The following RFX8 variants were observed in gnomAD, a reference collection of about 807,000 sequenced individuals.
The protein encoded by RFX8 is DNA-binding protein RFX8.
RFX8 carries 46 observed loss-of-function variants against 54.6 expected under a neutral mutation model. That is an observed-to-expected ratio of 0.84 (90% CI 0.67 to 1.08). The LOEUF is 1.08. RFX8 is among the 50% of genes least tolerant of loss of function. RFX8 has a pLI of 0.00. For synonymous variants in RFX8, 192 were observed against 209.5 expected (o/e 0.92, Z 0.72); for missense variants, 536 against 562.3 (o/e 0.95, Z 0.47).
At chr2:101,427,107 C>T (rs1411829397) in intron 2 of RFX8, among the ~76,000 whole-genome samples, 1 of 152,146 alleles carries the variant, frequency 6.6e-6, no homozygotes, top group Non-Finnish European at 1.5e-5. Flanking sequence ...AAATGAACAC[C>T]CTCCTAAGAG....
rs778484548 is a variant in RFX8 at position 101,466,894 on chromosome 2, G to A, written c.-46C>T. 146 of 1,398,356 alleles carry A rather than the reference G, an allele frequency of 1.0e-4. 2 individuals are homozygous for A. Among genetic ancestry groups the A allele is most frequent in the South Asian group, 9.1e-4 (74 of 81,018 alleles). The allele number at this position is 1,398,356 out of a possible 1,614,324, so 86.6% of individuals were successfully genotyped here. ...ACTCTTCGCAAATGCAGAAGTTGTC[G>A]ACCAACCTGGAGGAGAGGAGGACAA... On this transcript the variant is annotated 5_prime_UTR_variant, in exon 2 of 12. It introduces an in-frame stop codon into an upstream open reading frame of the 5' UTR. Coordinates refer to ENST00000428343, the MANE Select transcript of RFX8 (RefSeq NM_001145664.2).
intron 2 of RFX8, among the ~76,000 whole-genome samples, chr2:101,434,466 A>G (rs1687660151): frequency 6.6e-6 from 1 of 152,194 alleles, no homozygotes. Flanking sequence ...TGGGAAGTAT[A>G]AGACATCCAC....
At position 101,447,150 on chromosome 2, in the gene RFX8, C is replaced by T. The variant is rs371059856; in HGVS notation, c.72+19627G>A. On this transcript the variant is annotated intron_variant, in intron 2 of 11. Coordinates refer to ENST00000428343, the MANE Select transcript of RFX8 (RefSeq NM_001145664.2). ...CACTGACTCAACCAACTGCCAGATCCTGAAGACCCTGCCTCTAAGAGGTCT... is the reference window on the plus strand; with the variant it reads ...CACTGACTCAACCAACTGCCAGATCTTGAAGACCCTGCCTCTAAGAGGTCT... 9.2e-5 allele frequency among the ~76,000 whole-genome samples: 14 copies of T among 152,302 alleles called. No individual in the cohort carries two copies. The South Asian group carries it at 2.9e-3, about 32-fold the overall frequency.
intron 11 of RFX8, among the ~76,000 whole-genome samples, chr2:101,399,596 C>T (rs1374932265): frequency 2.0e-5 from 3 of 152,150 alleles, no homozygotes; most frequent in East Asian, 3.8e-4. Context: ...AAGTGCTCAG[C>T]TTAGGAGGCC....
At chr2:101,469,138 G>GTATA (rs1330915540) in intron 1 of RFX8, among the ~76,000 whole-genome samples, 11 of 113,544 alleles carry the variant, frequency 9.7e-5, no homozygotes, top group African/African-American at 3.6e-4. Context: ...ATATATATAA[G>GTATA]TATATATATA....
At chr2:101,444,929 A>G (rs960226528) in intron 2 of RFX8, among the ~76,000 whole-genome samples, 1 of 152,218 alleles carries the variant, frequency 6.6e-6, no homozygotes, top group Non-Finnish European at 1.5e-5. Flanking sequence ...ATGGATGAGG[A>G]AACTGAGACA....
intron 10 of RFX8, 53 bp downstream of exon 10, chr2:101,405,890 A>C (rs1458953179): frequency 3.5e-6 from 4 of 1,135,938 alleles, no homozygotes; most frequent in Non-Finnish European, 5.0e-6. Flanking sequence ...CTTATGCCAT[A>C]ATGACATTTT....
At chr2:101,447,468 A>G (rs1374685022) in intron 2 of RFX8, among the ~76,000 whole-genome samples, 3 of 152,160 alleles carry the variant, frequency 2.0e-5, no homozygotes, top group Non-Finnish European at 2.9e-5. Context: ...GTGTCTGGTA[A>G]AAGTTTGCTC....
At chr2:101,465,465 G>A (rs1247049819) in intron 2 of RFX8, among the ~76,000 whole-genome samples, 4 of 152,228 alleles carry the variant, frequency 2.6e-5, no homozygotes, top group East Asian at 1.9e-4. Flanking sequence ...AGCCAAGATC[G>A]TGCCACTGCA....
rs1342064272 is a variant in RFX8 at position 101,414,746 on chromosome 2, G to A, written c.561+108C>T. The stretch of plus-strand genomic sequence containing the variant: ...GGCAAGGCCACCCTGCCTGCCCTCT[G>A]CCCTCCAGATGGACAGAGCAACCAC... On this transcript the variant is annotated intron_variant, in intron 7 of 11. Coordinates refer to ENST00000428343, the MANE Select transcript of RFX8 (RefSeq NM_001145664.2). 4.8e-6 allele frequency: 4 copies of A among 827,064 alleles called. No individual in the cohort carries two copies. The East Asian group carries it at 1.1e-4, about 23-fold the overall frequency. The allele number at this position is 827,064 out of a possible 1,614,324, so 51.2% of individuals were successfully genotyped here. A position where few individuals can be genotyped will look rare whatever the true frequency, so the allele number is the denominator to read the frequency against.
chr2:101,425,094 G>C (rs1000794804), intron 2 of RFX8, among the ~76,000 whole-genome samples: 3 of 151,986 alleles, frequency 2.0e-5, no homozygotes, highest in Non-Finnish European at 4.4e-5. Context: ...TGCTCACGTT[G>C]ATCATACTAA....
At chr2:101,446,477 T>C (rs988121327) in intron 2 of RFX8, among the ~76,000 whole-genome samples, 6 of 62,004 alleles carry the variant, frequency 9.7e-5, no homozygotes, top group East Asian at 8.9e-4. Flanking sequence ...CCCAGCCAAG[T>C]TGATCAATTA....
intron 10 of RFX8, among the ~76,000 whole-genome samples, chr2:101,405,626 G>C (rs547817341): frequency 6.6e-6 from 1 of 152,018 alleles, no homozygotes; most frequent in Non-Finnish European, 1.5e-5. Context: ...AACCCATTTT[G>C]TTCTCCATCT....
At chr2:101,397,819 G>A (rs952568976) in intron 11 of RFX8, 95 bp from the exon 12 acceptor site, 80 of 1,041,904 alleles carry the variant, frequency 7.7e-5, no homozygotes, top group South Asian at 3.7e-5. Flanking sequence ...TACCAAGCCC[G>A]TGCTCCCACC....
intron 9 of RFX8, among the ~76,000 whole-genome samples, chr2:101,407,975 T>A (rs575205789): frequency 2.0e-4 from 31 of 152,338 alleles, no homozygotes; most frequent in Non-Finnish European, 3.8e-4. Context: ...GAGCACTTGA[T>A]TGACAATAAT....
chr2:101,461,979 A>G (rs1006241545), intron 2 of RFX8, among the ~76,000 whole-genome samples: 6 of 152,216 alleles, frequency 3.9e-5, no homozygotes, highest in Middle Eastern at 3.2e-3. Flanking sequence ...ATCATCAGGG[A>G]TGGGAACTGA....
chr2:101,418,728 C>A lies in RFX8; in HGVS notation c.351+123G>T, dbSNP rs557076995. On this transcript the variant is annotated intron_variant, in intron 5 of 11. Coordinates refer to ENST00000428343, the MANE Select transcript of RFX8 (RefSeq NM_001145664.2). ...GATCAGAGGGCTCCTGGTCCATACA[C>A]CCCACTATTCACTCCTCAGAGGACC... The A allele has an allele frequency of 8.6e-6, 6 of 701,702 alleles. No homozygotes were observed. In the African/African-American group the frequency reaches 1.1e-4, roughly 12 times the overall value. The allele number at this position is 701,702 out of a possible 1,614,324, so 43.5% of individuals were successfully genotyped here. A position where few individuals can be genotyped will look rare whatever the true frequency, so the allele number is the denominator to read the frequency against.
intron 10 of RFX8, 42 bp downstream of exon 10, chr2:101,405,901 T>A (rs1685702231): frequency 8.0e-7 from 1 of 1,253,568 alleles, no homozygotes; most frequent in Non-Finnish European, 1.1e-6. Flanking sequence ...ATGACATTTT[T>A]AAAAGGTAGA....
At chr2:101,440,177 G>GT (rs543096130) in intron 2 of RFX8, among the ~76,000 whole-genome samples, 28 of 151,862 alleles carry the variant, frequency 1.8e-4, no homozygotes, top group African/African-American at 5.3e-4. Flanking sequence ...CCAAGTCAAT[G>GT]TTTTTTTTAA....
Sources: allele counts gnomAD v4.1 joint callset (sites outside exome capture counted in the v4.1 genomes callset), GRCh38; gene constraint gnomAD v4.1.1; transcripts MANE v1.5; gene names NCBI Gene and HGNC (gene_info 2026-07-23, HGNC 2026-07-21).